Variants in DDAH1 observed in about 807,000 individuals in gnomAD.
The protein encoded by DDAH1 is N(G),N(G)-dimethylarginine dimethylaminohydrolase 1.
Under a neutral mutation model 28.8 loss-of-function variants are expected in DDAH1, and 19 were observed. That is an observed-to-expected ratio of 0.66 (90% CI 0.46 to 0.97). The LOEUF is 0.97. Ranked by LOEUF, DDAH1 falls within the 50% of genes least tolerant of loss-of-function variation. The pLI, the probability that DDAH1 is intolerant of heterozygous loss-of-function variation, is 0.00. For missense variants in DDAH1, 326 were observed against 375.9 expected, an observed-to-expected ratio of 0.87 and a Z score of 1.10; for synonymous variants, 153 against 154.4, an observed-to-expected ratio of 0.99 and a Z score of 0.07.
chr1:85,457,936 AC>A (rs1447785262), intron 1 of DDAH1, among the ~76,000 whole-genome samples: 1 of 152,104 alleles, frequency 6.6e-6, no homozygotes, highest in African/African-American at 2.4e-5. Context: ...TGATCCGCCC[AC>A]CTTGGCCTCC....
In DDAH1 at chr1:85,460,211, ATATT is replaced by A. The variant is rs775853610; in HGVS notation, c.303+4528_303+4531del. 1.7e-4 allele frequency among the ~76,000 whole-genome samples: 26 copies of A among 152,242 alleles called. 1 individual carries two copies. The highest frequency in any genetic ancestry group is 1.0e-3 in the Admixed American group (16 of 15,288). ...ATGTTCACTTGCCTCCAGGATGAACATATTTAGGCTTTTTCCTAACCAGAGAATA... is the reference window on the plus strand; with the variant it reads ...ATGTTCACTTGCCTCCAGGATGAACATAGGCTTTTTCCTAACCAGAGAATA... On this transcript the variant is annotated intron_variant, in intron 1 of 5. Coordinates refer to ENST00000284031, the MANE Select transcript of DDAH1 (RefSeq NM_012137.4).
chr1:85,541,319 G>A (rs921912127), intron 1 of DDAH1, among the ~76,000 whole-genome samples: 3 of 152,132 alleles, frequency 2.0e-5, no homozygotes, highest in African/African-American at 7.2e-5. Context: ...AAAATCCTTC[G>A]AAACAACAAA....
At chr1:85,410,587 C>T (rs375266992) in intron 1 of DDAH1, among the ~76,000 whole-genome samples, 7 of 144,686 alleles carry the variant, frequency 4.8e-5, no homozygotes, top group Admixed American at 7.1e-5. Context: ...TGTGGTGAGC[C>T]GAGATGGCAC....
intron 1 of DDAH1, among the ~76,000 whole-genome samples, chr1:85,416,316 C>A (rs541055982): frequency 1.3e-5 from 2 of 152,178 alleles, no homozygotes; most frequent in Non-Finnish European, 2.9e-5. Context: ...CTGCCTCAGC[C>A]TCCTGAGTAG....
At chr1:85,514,850 T>G (rs1450469219) in intron 1 of DDAH1, among the ~76,000 whole-genome samples, 2 of 152,090 alleles carry the variant, frequency 1.3e-5, no homozygotes, top group Non-Finnish European at 2.9e-5. Context: ...CCTTGTAGTT[T>G]CCATGCTCAA....
chr1:85,367,665 G>A (rs1418500527), intron 1 of DDAH1, among the ~76,000 whole-genome samples: 1 of 152,172 alleles, frequency 6.6e-6, no homozygotes, highest in Non-Finnish European at 1.5e-5. Context: ...TGGTGCAAGT[G>A]ACCCAATATT....
rs189633229 is a variant in DDAH1, at chr1:85,341,705, C to T, written c.597+8710G>A. ...GCGGGTGCCTGTAGTCCCAGCTACTCGGGAGGCTGAGGCAGAAGAATGGCG... is the reference window on the plus strand; with the variant it reads ...GCGGGTGCCTGTAGTCCCAGCTACTTGGGAGGCTGAGGCAGAAGAATGGCG... On this transcript the variant is annotated intron_variant, in intron 4 of 5. Transcript: ENST00000284031. Among the ~76,000 whole-genome samples the T allele has an allele frequency of 5.0e-3, 767 of 152,090 alleles. 2 individuals are homozygous for T. The highest frequency in any genetic ancestry group is 0.018 in the African/African-American group (731 of 41,488).
intron 1 of DDAH1, among the ~76,000 whole-genome samples, chr1:85,359,279 T>C (rs187856595): frequency 6.6e-6 from 1 of 152,310 alleles, no homozygotes; most frequent in African/African-American, 2.4e-5. Context: ...TCTGACCAGT[T>C]AGCACACTAT....
At chr1:85,325,622 C>A (rs1427002306) in intron 4 of DDAH1, among the ~76,000 whole-genome samples, 12 of 150,202 alleles carry the variant, frequency 8.0e-5, no homozygotes, top group Admixed American at 6.6e-4. Flanking sequence ...AAAAAAAAAA[C>A]CTACTTGGCA....
chr1:85,513,154 T>C (rs923880950), intron 1 of DDAH1, among the ~76,000 whole-genome samples: 10 of 152,060 alleles, frequency 6.6e-5, no homozygotes, highest in African/African-American at 1.7e-4. Context: ...AAAACAGATA[T>C]ATAGACCAAT....
chr1:85,385,950 A>C (rs534351919), intron 1 of DDAH1, among the ~76,000 whole-genome samples: 25 of 152,230 alleles, frequency 1.6e-4, no homozygotes, highest in African/African-American at 5.5e-4. Context: ...GGGAAGGAAG[A>C]TGCCAGGCTC....
rs1656072832 is a variant in DDAH1 at position 85,483,245 on chromosome 1, AT to A, written c.-7+12920del. Among the ~76,000 whole-genome samples the A allele has an allele frequency of 1.3e-5, 2 of 151,238 alleles. 1 individual carries two copies. The highest frequency in any genetic ancestry group is 4.2e-4 in the South Asian group (2 of 4,788). On this transcript the variant is annotated intron_variant, in intron 2 of 6. Coordinates refer to the DDAH1 transcript ENST00000426972. The stretch of plus-strand genomic sequence containing the variant: ...AAAAAAAAAAGAATTCTCTTAAAAA[AT>A]AACATTCCCCTTATTTTGTCCCCTT...
At chr1:85,512,006 A>G (rs577618656) in intron 1 of DDAH1, among the ~76,000 whole-genome samples, 1 of 152,374 alleles carries the variant, frequency 6.6e-6, no homozygotes, top group African/African-American at 2.4e-5. Context: ...TTACGAGGCC[A>G]GCATCATCCT....
intron 1 of DDAH1, among the ~76,000 whole-genome samples, chr1:85,362,295 A>T (rs1649837416): frequency 6.6e-6 from 1 of 152,172 alleles, no homozygotes; most frequent in African/African-American, 2.4e-5. Context: ...GTACTACATA[A>T]GGTGGGAAGT....
intron 1 of DDAH1, among the ~76,000 whole-genome samples, chr1:85,537,890 C>A (rs575282872): frequency 0.024 from 3,588 of 151,250 alleles, 63 homozygotes; most frequent in Non-Finnish European, 0.037. Context: ...AACAAAAAAC[C>A]AAAAAACAAA....
At chr1:85,541,052 T>C (rs1442333002) in intron 1 of DDAH1, among the ~76,000 whole-genome samples, 2 of 152,072 alleles carry the variant, frequency 1.3e-5, no homozygotes, top group Non-Finnish European at 2.9e-5. Context: ...CATTGAATGG[T>C]TTTTCTCTAT....
intron 1 of DDAH1, among the ~76,000 whole-genome samples, chr1:85,369,257 C>T (rs1203944691): frequency 6.9e-6 from 1 of 145,426 alleles, no homozygotes; most frequent in Non-Finnish European, 1.5e-5. Flanking sequence ...ATGGGGTCTA[C>T]TTATGCTGCC....
At chr1:85,567,110 C>A (rs1377823211) in intron 1 of DDAH1, among the ~76,000 whole-genome samples, 1 of 152,214 alleles carries the variant, frequency 6.6e-6, no homozygotes, top group African/African-American at 2.4e-5. Context: ...GGCCCACTCA[C>A]ATCAGAGAGC....
chr1:85,390,626 T>C (rs1478268838), intron 1 of DDAH1, among the ~76,000 whole-genome samples: 1 of 152,152 alleles, frequency 6.6e-6, no homozygotes, highest in Non-Finnish European at 1.5e-5. Context: ...CATACCACAG[T>C]GCCAGCTTCT....
Sources: allele counts gnomAD v4.1 joint callset (sites outside exome capture counted in the v4.1 genomes callset), GRCh38; gene constraint gnomAD v4.1.1; transcripts MANE v1.5; gene names NCBI Gene and HGNC (gene_info 2026-07-23, HGNC 2026-07-21).